The following NAV2 variants were observed in gnomAD, a reference collection of about 807,000 sequenced individuals.
NAV2 encodes the protein helicase, APC down-regulated 1.
In NAV2, 54 loss-of-function variants were observed where a neutral mutation model predicts 223.2. That is an observed-to-expected ratio of 0.24 (90% CI 0.19 to 0.30). The LOEUF is 0.30. NAV2 is among the 10% of genes least tolerant of loss of function. NAV2 has a pLI of 1.00. For missense variants in NAV2, 2,806 were observed against 3,147.5 expected, an observed-to-expected ratio of 0.89 and a Z score of 2.60; for synonymous variants, 1,279 against 1,239.3, an observed-to-expected ratio of 1.03 and a Z score of -0.67.
intron 5 of NAV2, among the ~76,000 whole-genome samples, chr11:19,890,553 T>A (rs766446875): frequency 5.1e-4 from 77 of 152,318 alleles, no homozygotes; most frequent in Admixed American, 1.2e-3. Context: ...TCTGACATCA[T>A]CTTGGAACAA....
intron 31 of NAV2, among the ~76,000 whole-genome samples, chr11:20,098,882 T>G (rs1351292424): frequency 2.0e-5 from 3 of 152,218 alleles, no homozygotes; most frequent in Admixed American, 2.0e-4. Flanking sequence ...GGACCAGGCC[T>G]GCCTCAGCTT....
chr11:20,022,660 A>G, intron 11 of NAV2: 4 of 993,324 alleles, frequency 4.0e-6, no homozygotes, highest in South Asian at 4.7e-5. Flanking sequence ...TAGGGCTGGA[A>G]AGACTTTCTG....
intron 6 of NAV2, among the ~76,000 whole-genome samples, chr11:19,931,465 C>T (rs188178598): frequency 2.1e-3 from 322 of 152,274 alleles, no homozygotes; most frequent in Non-Finnish European, 2.7e-3. Context: ...TGAGCTCTCA[C>T]GGCACGGTGC....
At position 19,998,511 on chromosome 11, in the gene NAV2, C is replaced by T. The variant is rs930558372; in HGVS notation, c.2768+14264C>T. On this transcript the variant is annotated intron_variant, in intron 11 of 37. Transcript: ENST00000349880. This position sits in a 1 kb window ranked among gnomAD's most constrained non-coding sequence, Gnocchi z 5.0. ...CCTCCCTTAGTGCCTTTCCATTGCA[C>T]CTAGAATAAAGGTCAGACTCCTTGC... 1.3e-5 allele frequency among the ~76,000 whole-genome samples: 2 copies of T among 152,142 alleles called. No homozygotes were observed. The highest frequency in any genetic ancestry group is 1.9e-4 in the East Asian group (1 of 5,196).
chr11:20,045,538 C>T lies in NAV2; in HGVS notation c.3770C>T (p.Ser1257Leu), dbSNP rs771991680. The change falls in exon 14 of 38, where the codon TCA becomes TTA. Residue 1257 changes from serine (S) to leucine (L), a missense_variant. Transcript: ENST00000349880. ...ACAGACAAGGAGAAAGGCATCTCAT[C>T]AGACAACGAGAGTGTGGCTTCCTGT... ...NQTDKEKGIS[S>L]DNESVASCNS... 2 of 1,614,170 alleles carry T rather than the reference C, an allele frequency of 1.2e-6. No homozygotes were observed. The highest frequency in any genetic ancestry group is 1.7e-6 in the Non-Finnish European group (2 of 1,180,024).
chr11:19,801,959 C>T (rs2058293569), intron 1 of NAV2, among the ~76,000 whole-genome samples: 1 of 152,124 alleles, frequency 6.6e-6, no homozygotes, highest in Non-Finnish European at 1.5e-5. Context: ...TCATTGCTGA[C>T]CTTATCCATC....
At chr11:19,602,524 C>T (rs1422281376) in intron 1 of NAV2, among the ~76,000 whole-genome samples, 3 of 152,138 alleles carry the variant, frequency 2.0e-5, no homozygotes, top group Non-Finnish European at 2.9e-5. Context: ...CCTGGGGCTG[C>T]CATAACAAGT....
At chr11:19,897,129 A>T (rs1383601913) in intron 6 of NAV2, among the ~76,000 whole-genome samples, 1 of 152,038 alleles carries the variant, frequency 6.6e-6, no homozygotes, top group Non-Finnish European at 1.5e-5. Flanking sequence ...AAACTATCAC[A>T]AGGACAAAAA....
At chr11:19,495,859 C>T (rs984410689) in intron 1 of NAV2, among the ~76,000 whole-genome samples, 4 of 152,072 alleles carry the variant, frequency 2.6e-5, no homozygotes, top group African/African-American at 9.7e-5. Context: ...CTGTCCACTT[C>T]TCTGATAAGG....
chr11:19,477,026 A>G (rs1299281632), intron 1 of NAV2, among the ~76,000 whole-genome samples: 1 of 152,106 alleles, frequency 6.6e-6, no homozygotes, highest in African/African-American at 2.4e-5. Flanking sequence ...ACCCTCCATC[A>G]TATTGCATTC....
upstream of NAV2, among the ~76,000 whole-genome samples, chr11:19,348,454 C>T (rs933354744): frequency 6.6e-6 from 1 of 152,218 alleles, no homozygotes; most frequent in Non-Finnish European, 1.5e-5. Flanking sequence ...TGAGCAGGAA[C>T]TTTGAAGTCA....
At chr11:19,595,825 G>A (rs542626580) in intron 1 of NAV2, among the ~76,000 whole-genome samples, 2 of 148,576 alleles carry the variant, frequency 1.3e-5, no homozygotes, top group Non-Finnish European at 2.9e-5. Context: ...GTCTCCCAAA[G>A]TGCTGGGATT....
Position 19,413,780 on chromosome 11 carries a change from T to A in NAV2, c.75+62753T>A, listed in dbSNP as rs568151233. ...AGTGGGGGCCAATATTCAATATTTT[T>A]AAAGAAAAGAATTTTCAGCCCAGAA... On this transcript the variant is annotated intron_variant, in intron 1 of 37. Transcript: ENST00000360655. 9.9e-5 allele frequency among the ~76,000 whole-genome samples: 15 copies of A among 152,276 alleles called. No homozygotes were observed. The East Asian group carries it at 2.9e-3, about 29-fold the overall frequency.
intron 1 of NAV2, among the ~76,000 whole-genome samples, chr11:19,450,745 T>A (rs1851762370): frequency 6.6e-6 from 1 of 152,212 alleles, no homozygotes. Context: ...CTGGGTTGGC[T>A]TAATCAGTTT....
Position 20,080,123 on chromosome 11 carries a change from G to A in NAV2, c.5239G>A (p.Val1747Ile), listed in dbSNP as rs1245383048. 20 of 1,614,026 alleles carry A rather than the reference G, an allele frequency of 1.2e-5. No individual in the cohort carries two copies. Among genetic ancestry groups the A allele is most frequent in the East Asian group, 4.5e-5 (2 of 44,882 alleles). ...RIRRQHSSDS[V>I]SSINSATSHS... ...CCGCAGGCAGCACTCCTCAGACAGC[G>A]TCTCCAGCATCAACAGTGCCACCAG... The change falls in exon 25 of 38, where the codon GTC becomes ATC. Residue 1747 changes from valine (V) to isoleucine (I), a missense_variant. Transcript: ENST00000349880.
At chr11:19,580,130 G>T (rs1435945910) in intron 1 of NAV2, among the ~76,000 whole-genome samples, 4 of 152,120 alleles carry the variant, frequency 2.6e-5, no homozygotes, top group Non-Finnish European at 5.9e-5. Context: ...CCAACCGGGG[G>T]GTGGGGCTTC....
chr11:19,846,632 G>A (rs1590860166), intron 3 of NAV2, among the ~76,000 whole-genome samples: 4 of 152,276 alleles, frequency 2.6e-5, no homozygotes, highest in Admixed American at 2.6e-4. Flanking sequence ...AGGCTTATGA[G>A]CCCATCACAC....
At chr11:20,084,904 C>A (rs2153670384) in intron 26 of NAV2, among the ~76,000 whole-genome samples, 1 of 152,258 alleles carries the variant, frequency 6.6e-6, no homozygotes, top group South Asian at 2.1e-4. Flanking sequence ...AAGGGGTTAA[C>A]CAAGCCAGGT....
chr11:19,742,729 A>T (rs1273678127), intron 1 of NAV2, among the ~76,000 whole-genome samples: 2 of 152,236 alleles, frequency 1.3e-5, no homozygotes, highest in Admixed American at 6.5e-5. Flanking sequence ...ACAGATGGGC[A>T]GGAAATCTAA....
Sources: gnomAD v4.1 joint callset for allele counts (sites outside exome capture counted in the v4.1 genomes callset) on GRCh38, gnomAD v4.1.1 for gene constraint, Gnocchi (gnomAD v3.1) non-coding constraint, MANE v1.5 for transcripts, NCBI Gene and HGNC (gene_info 2026-07-23, HGNC 2026-07-21) for gene names.